Variants in CELF1 observed in about 807,000 individuals in gnomAD.
CELF1 encodes the protein 50 kDa nuclear polyadenylated RNA-binding protein.
In CELF1, 10 loss-of-function variants were observed where a neutral mutation model predicts 61.8. The ratio of observed to expected loss-of-function variants is 0.16; its 90% CI spans 0.10 to 0.27. The LOEUF is 0.27. Ranked by LOEUF, CELF1 falls within the 10% of genes least tolerant of loss-of-function variation. The probability of loss-of-function intolerance (pLI) is 1.00; values close to 1 mark genes in which losing one functional copy is unlikely to be tolerated. For synonymous variants in CELF1, 236 were observed against 225.1 expected, an observed-to-expected ratio of 1.05 and a Z score of -0.43; for missense variants, 380 against 639.1, an observed-to-expected ratio of 0.59 and a Z score of 4.37.
chr11:47,477,510 GGCT>G, intron 10 of CELF1, 85 bp from the exon 11 acceptor site: 2 of 1,427,910 alleles, frequency 1.4e-6, no homozygotes, highest in Non-Finnish European at 1.9e-6. Context: ...ACTGGCAGAG[GGCT>G]GGTCCCTGAC....
At chr11:47,534,632 G>A (rs989464760) in intron 1 of CELF1, among the ~76,000 whole-genome samples, 3 of 152,108 alleles carry the variant, frequency 2.0e-5, no homozygotes, top group Non-Finnish European at 4.4e-5. Context: ...GGAGGCTGAG[G>A]CAGGAGAATG....
At chr11:47,486,716 A>T (rs746413315) in intron 6 of CELF1, 34 bp downstream of exon 6, 24 of 1,590,186 alleles carry the variant, frequency 1.5e-5, no homozygotes, top group Non-Finnish European at 2.1e-5. Flanking sequence ...CCTAGGCAGA[A>T]ATCTTAAGGG....
intron 9 of CELF1, among the ~76,000 whole-genome samples, chr11:47,480,838 C>G (rs978550203): frequency 6.6e-6 from 1 of 152,044 alleles, no homozygotes; most frequent in African/African-American, 2.4e-5. Context: ...AGTTTGAGAC[C>G]AGCCTGGCTC....
At chr11:47,472,511 T>C (rs1596015575) in intron 14 of CELF1, among the ~76,000 whole-genome samples, 154 bp from the exon 15 acceptor site, 2 of 152,186 alleles carry the variant, frequency 1.3e-5, no homozygotes, top group African/African-American at 4.8e-5. Context: ...CGAAATAAAT[T>C]AGGTTCTTAA....
intron 3 of CELF1, among the ~76,000 whole-genome samples, chr11:47,498,390 G>C (rs1305922017): frequency 6.6e-6 from 1 of 152,184 alleles, no homozygotes; most frequent in Non-Finnish European, 1.5e-5. Flanking sequence ...GGGCAACAAA[G>C]CAAGACCCTG....
intron 1 of CELF1, among the ~76,000 whole-genome samples, chr11:47,533,273 G>C (rs899073573): frequency 6.6e-6 from 1 of 152,130 alleles, no homozygotes; most frequent in Non-Finnish European, 1.5e-5. Context: ...GATCACTTGA[G>C]GTCAGGAATT....
At chr11:47,532,182 C>G (rs2096497626) in intron 1 of CELF1, among the ~76,000 whole-genome samples, 1 of 152,102 alleles carries the variant, frequency 6.6e-6, no homozygotes, top group Admixed American at 6.6e-5. Flanking sequence ...AGGTACCCAC[C>G]ACCAGGCCTA....
intron 3 of CELF1, among the ~76,000 whole-genome samples, chr11:47,493,501 C>A (rs2092352743): frequency 7.4e-6 from 1 of 134,912 alleles, no homozygotes; most frequent in Non-Finnish European, 1.6e-5. Context: ...GAGCAAGACT[C>A]CATCTCAAAA....
chr11:47,546,228 CTCAG>C (rs1173100260), intron 1 of CELF1, among the ~76,000 whole-genome samples: 1 of 129,086 alleles, frequency 7.7e-6, no homozygotes. Context: ...GACAGATACT[CTCAG>C]TATCTTTTTT....
chr11:47,540,894 C>T (rs2096757774), intron 1 of CELF1, among the ~76,000 whole-genome samples: 1 of 151,622 alleles, frequency 6.6e-6, no homozygotes, highest in African/African-American at 2.4e-5. Flanking sequence ...CAAACAACAA[C>T]AACAACAACA....
At chr11:47,496,013 T>C (rs923555108) in intron 3 of CELF1, 2 of 985,198 alleles carry the variant, frequency 2.0e-6, no homozygotes, top group African/African-American at 3.5e-5. Flanking sequence ...CCCACCCTTA[T>C]ACAAGGTCCC....
At chr11:47,520,292 A>T (rs972707531) in intron 1 of CELF1, among the ~76,000 whole-genome samples, 2 of 152,238 alleles carry the variant, frequency 1.3e-5, no homozygotes, top group Admixed American at 1.3e-4. Flanking sequence ...GTGCTATTTC[A>T]TCACACTGTC....
At chr11:47,539,462 G>T (rs1392159860) in intron 1 of CELF1, among the ~76,000 whole-genome samples, 1 of 152,062 alleles carries the variant, frequency 6.6e-6, no homozygotes, top group Admixed American at 6.6e-5. Context: ...GACCAGTCAC[G>T]GCTAACATGG....
chr11:47,512,368 T>C (rs549103184), intron 1 of CELF1, among the ~76,000 whole-genome samples: 1 of 151,828 alleles, frequency 6.6e-6, no homozygotes, highest in African/African-American at 2.4e-5. Context: ...TTAGCCAGGA[T>C]AGTCCTGATC....
chr11:47,519,869 A>T (rs2095791510), intron 1 of CELF1, among the ~76,000 whole-genome samples: 1 of 152,112 alleles, frequency 6.6e-6, no homozygotes, highest in South Asian at 2.1e-4. Flanking sequence ...TCTCAAAAAA[A>T]AAAAAAAGGA....
chr11:47,544,052 C>A (rs552256976), intron 1 of CELF1, among the ~76,000 whole-genome samples: 1 of 152,110 alleles, frequency 6.6e-6, no homozygotes, highest in Non-Finnish European at 1.5e-5. Context: ...ACCATATTAC[C>A]CAAGTATTCC....
At chr11:47,483,587 T>A in intron 7 of CELF1, 55 bp from the exon 8 acceptor site, 1 of 1,316,194 alleles carries the variant, frequency 7.6e-7, no homozygotes, top group Non-Finnish European at 1.1e-6. Flanking sequence ...TGACAAACAT[T>A]AACTGAGCAC....
At chr11:47,529,741 A>C (rs1488834151) in intron 1 of CELF1, among the ~76,000 whole-genome samples, 2 of 152,138 alleles carry the variant, frequency 1.3e-5, no homozygotes, top group Non-Finnish European at 2.9e-5. Context: ...GAACTGCTTA[A>C]ACCTGGGAGG....
In CELF1 at chr11:47,486,683, C is replaced by T. The variant is rs1260110872; in HGVS notation, c.391+67G>A. Reference sequence around the variant, plus strand: ...TTGGCCTCCCAAAGTGCTGGGATTACAGGTGTGAGCCACCGTGCCTGGCCT... The same window carrying T: ...TTGGCCTCCCAAAGTGCTGGGATTATAGGTGTGAGCCACCGTGCCTGGCCT... On this transcript the variant is annotated intron_variant, in intron 6 of 14. Transcript: ENST00000687097. 4.7e-6 allele frequency: 6 copies of T among 1,288,432 alleles called. 1 individual carries two copies. The East Asian group carries it at 6.9e-5, about 15-fold the overall frequency. The allele number at this position is 1,288,432 out of a possible 1,614,324, so 79.8% of individuals were successfully genotyped here.
Sources: gnomAD v4.1 joint callset for allele counts (sites outside exome capture counted in the v4.1 genomes callset) on GRCh38, gnomAD v4.1.1 for gene constraint, MANE v1.5 for transcripts, NCBI Gene and HGNC (gene_info 2026-07-23, HGNC 2026-07-21) for gene names.